The following PHF19 variants were observed in gnomAD, a reference collection of about 807,000 sequenced individuals.
PHF19 encodes the protein polycomb like 3.
A neutral mutation model predicts 79.8 loss-of-function variants in PHF19; 21 were observed. The ratio of observed to expected loss-of-function variants is 0.26; its 90% confidence interval spans 0.19 to 0.38. The LOEUF is 0.38. PHF19 is among the 10% of genes least tolerant of loss of function. PHF19 has a pLI of 1.00. For synonymous variants in PHF19, 273 were observed against 296.3 expected (o/e 0.92, Z 0.81); for missense variants, 445 against 744.2 (o/e 0.60, Z 4.68).
Position 120,861,929 on chromosome 9 carries a change from C to A in PHF19, c.1207G>T (p.Ala403Ser). The change falls in exon 12 of 15, where the codon GCT (alanine) becomes TCT (serine). Residue 403 changes from alanine (A) to serine (S), a missense_variant. Ala to Ser is a moderately conservative substitution (Grantham distance 99). This residue lies in a region of PHF19 where 125 missense variants were observed against 180.5 expected (regional missense o/e 0.69). Coordinates refer to ENST00000373896, the MANE Select transcript of PHF19 (RefSeq NM_015651.3). ...RKRSKFLLED[A>S]IPSSDFTSAW... ...AACAAGGAACTAACACTGGGAATAG[C>A]ATCTTCCAGCAAAAACTTTGATCTT... The A allele has an allele frequency of 6.2e-7, 1 of 1,607,802 alleles. No individual in the cohort carries two copies. Among genetic ancestry groups the A allele is most frequent in the Non-Finnish European group, 8.5e-7 (1 of 1,174,190 alleles).
At chr9:120,876,119 T>C (rs2046041268) in intron 1 of PHF19, 2 of 152,830 alleles carry the variant, frequency 1.3e-5, no homozygotes, top group Non-Finnish European at 2.9e-5. Flanking sequence ...AAGCTAAGTA[T>C]GTGCGGGGCC....
In PHF19 at chr9:120,866,047, C is replaced by T. The variant is rs774410769; in HGVS notation, c.760G>A (p.Glu254Lys). 26 of 1,613,768 alleles carry T rather than the reference C, an allele frequency of 1.6e-5. No homozygotes were observed. Among genetic ancestry groups the T allele is most frequent in the South Asian group, 2.2e-5 (2 of 91,076 alleles). The change falls in exon 8 of 15, where the codon GAG becomes AAG. Residue 254 changes from glutamate (E) to lysine (K), a missense_variant. By Grantham distance (56) the Glu-to-Lys change is moderately conservative (BLOSUM62 1). Coordinates refer to ENST00000373896, the MANE Select transcript of PHF19 (RefSeq NM_015651.3). The surrounding 1 kb of genome is among the most constrained non-coding windows in gnomAD (Gnocchi z 5.2). ...SVCNQGPEYI[E>K]RLPLRWVDVV... ...TCTCACCATCGCAGGGGCAGCCTCT[C>T]GATGTACTCTGGGCCCTGGTTACAC...
intron 9 of PHF19, among the ~76,000 whole-genome samples, chr9:120,864,791 C>T (rs1160890855): frequency 1.3e-5 from 2 of 151,754 alleles, no homozygotes; most frequent in African/African-American, 2.4e-5. Context: ...ATCATTTAAA[C>T]GATAAAACAG....
At chr9:120,878,816 A>G (rs2046133376), upstream of PHF19, among the ~76,000 whole-genome samples, 1 of 152,348 alleles carries the variant, frequency 6.6e-6, no homozygotes, top group African/African-American at 2.4e-5. Flanking sequence ...CCTGGAGAGC[A>G]CATTTTCAAG....
At chr9:120,858,326 T>C in intron 14 of PHF19, 40 bp from the exon 15 acceptor site, 2 of 1,437,686 alleles carry the variant, frequency 1.4e-6, no homozygotes, top group South Asian at 1.4e-5. Flanking sequence ...GAGAATGAGG[T>C]AGAACAATCA....
chr9:120,884,156 A>T (rs2131587197), intron 1 of PHF19, among the ~76,000 whole-genome samples: 1 of 152,340 alleles, frequency 6.6e-6, no homozygotes, highest in Non-Finnish European at 1.5e-5. Context: ...GTTTTTTATC[A>T]ATTAGGTCTA....
rs761926112 is a variant in PHF19, at chr9:120,870,465, G to A, written c.342C>T (p.Leu114=). The change falls in exon 4 of 15, where the codon CTC becomes CTT. Residue 114 remains leucine (L), a synonymous_variant. Transcript: ENST00000373896. The surrounding 1 kb of genome is among the most constrained non-coding windows in gnomAD (Gnocchi z 4.4). The part of the protein sequence containing the change: ...GKTSGPLNEI[L]ICGKCGLGYH... ...CACCCAGGCCACACTTCCCGCAGAT[G>A]AGGATCTCATTCAGCGGCCCTGATG... 21 of 1,611,480 alleles carry A rather than the reference G, an allele frequency of 1.3e-5. No homozygotes were observed. The highest frequency in any genetic ancestry group is 1.4e-5 in the Non-Finnish European group (17 of 1,177,648).
rs369059582 is a variant in PHF19 at position 120,862,038 on chromosome 9, G to A, written c.1131-33C>T. On this transcript the variant is annotated intron_variant, in intron 11 of 14. Transcript: ENST00000373896. This position sits in a 1 kb window ranked among gnomAD's most constrained non-coding sequence, Gnocchi z 4.6. ...GACAGAAGAGGGAGAAGGTGGCCCC[G>A]TCAGAGCCTGAGGGCCCTAGGGTGG... 1.8e-5 allele frequency: 28 copies of A among 1,537,612 alleles called. No individual in the cohort carries two copies. The highest frequency in any genetic ancestry group is 2.2e-5 in the South Asian group (2 of 89,546).
At chr9:120,889,363 T>A (rs931740457) in intron 1 of PHF19, among the ~76,000 whole-genome samples, 2 of 138,698 alleles carry the variant, frequency 1.4e-5, no homozygotes, top group African/African-American at 5.4e-5. Context: ...GAGGCGGAGG[T>A]TGCAGTGAGC....
In PHF19 at chr9:120,862,458, C is replaced by CT; in HGVS notation, c.1130+129dup. On this transcript the variant is annotated intron_variant, in intron 11 of 14. Transcript: ENST00000373896. The surrounding 1 kb of genome is among the most constrained non-coding windows in gnomAD (Gnocchi z 4.6). Reference sequence around the variant, plus strand: ...TGGGGATCTGGGATCTGGGATCCCGCTCAGCCACTATCTAGCCCTCTCAGG... The same window carrying CT: ...TGGGGATCTGGGATCTGGGATCCCGCTTCAGCCACTATCTAGCCCTCTCAGG... The CT allele has an allele frequency of 1.4e-6, 1 of 733,192 alleles. No homozygotes were observed. Among genetic ancestry groups the CT allele is most frequent in the Non-Finnish European group, 2.3e-6 (1 of 439,036 alleles). 45.4% of individuals were successfully genotyped at this position (733,192 alleles called of 1,614,324 possible). A position where few individuals can be genotyped will look rare whatever the true frequency, so the allele number is the denominator to read the frequency against.
chr9:120,881,229 C>T (rs529890794), upstream of PHF19, among the ~76,000 whole-genome samples: 1 of 150,022 alleles, frequency 6.7e-6, no homozygotes. Flanking sequence ...CTCACTGCAA[C>T]CTCCGCCTCC....
chr9:120,885,773 A>T (rs1295219084), intron 1 of PHF19, among the ~76,000 whole-genome samples: 1 of 152,040 alleles, frequency 6.6e-6, no homozygotes, highest in African/African-American at 2.4e-5. Flanking sequence ...TAATTGCCAA[A>T]ATTTATTTTA....
intron 1 of PHF19, among the ~76,000 whole-genome samples, chr9:120,883,020 TAG>T (rs1389128574): frequency 6.6e-6 from 1 of 152,082 alleles, no homozygotes; most frequent in Non-Finnish European, 1.5e-5. Flanking sequence ...CATGGAGGTG[TAG>T]AGAGTTTTCA....
upstream of PHF19, among the ~76,000 whole-genome samples, chr9:120,881,063 A>G (rs2046173637): frequency 6.6e-6 from 1 of 152,132 alleles, no homozygotes; most frequent in Admixed American, 6.6e-5. Context: ...CATGCATGGG[A>G]AATCAAAGAC....
chr9:120,900,931 A>C, the PHF19 span, among the ~76,000 whole-genome samples: 1 of 152,238 alleles, frequency 6.6e-6, no homozygotes, highest in African/African-American at 2.4e-5. Flanking sequence ...CATAAATAAT[A>C]GTTGCCCTTA....
In PHF19 at chr9:120,891,599, A is replaced by C. The variant is rs1323215308; in HGVS notation, c.42+3189T>G. On this transcript the variant is annotated intron_variant, in intron 1 of 14. Coordinates refer to the PHF19 transcript ENST00000616568. The surrounding 1 kb of genome is among the most constrained non-coding windows in gnomAD (Gnocchi z 4.3). Reference sequence around the variant, plus strand: ...CGACTCAAGACCCACCCAGCCACTTAGAGGAGCTGCACTCCAGGCACCTCG... The same window carrying C: ...CGACTCAAGACCCACCCAGCCACTTCGAGGAGCTGCACTCCAGGCACCTCG... 2.0e-5 allele frequency among the ~76,000 whole-genome samples: 3 copies of C among 152,244 alleles called. No individual in the cohort carries two copies. The highest frequency in any genetic ancestry group is 7.2e-5 in the African/African-American group (3 of 41,464).
rs2045875767 is a variant in PHF19 at position 120,870,875 on chromosome 9, T to G, written c.269-337A>C. On this transcript the variant is annotated intron_variant, in intron 3 of 14. Transcript: ENST00000373896. The surrounding 1 kb of genome is among the most constrained non-coding windows in gnomAD (Gnocchi z 4.4). ...ACTTGTTTTGTTAAATGGTTGTTATTTTCTTAAAACTTTATTATGGGATAA... is the reference window on the plus strand; with the variant it reads ...ACTTGTTTTGTTAAATGGTTGTTATGTTCTTAAAACTTTATTATGGGATAA... Among the ~76,000 whole-genome samples, 1 of 152,194 alleles carries G rather than the reference T, an allele frequency of 6.6e-6. No homozygotes were observed. Among genetic ancestry groups the G allele is most frequent in the Admixed American group, 6.5e-5 (1 of 15,274 alleles).
Position 120,874,647 on chromosome 9 carries a change from T to C in PHF19, c.95A>G (p.Asn32Ser), listed in dbSNP as rs1399665372. ...NKGALAKVKN[N>S]FKDLMSKLTE... ...CAGTTTGGACATCAAGTCTTTGAAG[T>C]TGTTCTTGACCTTCGCCAGGGCCCC... Residue 32 changes from asparagine to serine, a missense_variant, in exon 2 of 15, where the codon AAC becomes AGC. Transcript: ENST00000373896. This position sits in a 1 kb window ranked among gnomAD's most constrained non-coding sequence, Gnocchi z 4.5. 2 of 1,613,974 alleles carry C rather than the reference T, an allele frequency of 1.2e-6. No individual in the cohort carries two copies. Among genetic ancestry groups the C allele is most frequent in the East Asian group, 2.2e-5 (1 of 44,882 alleles).
chr9:120,869,066 G>T lies in PHF19; in HGVS notation c.614+116C>A. 1.1e-6 allele frequency: 1 copy of T among 913,964 alleles called. No homozygotes were observed. The highest frequency in any genetic ancestry group is 1.8e-5 in the South Asian group (1 of 56,604). The allele number at this position is 913,964 out of a possible 1,614,324, so 56.6% of individuals were successfully genotyped here. On this transcript the variant is annotated intron_variant, in intron 6 of 14. Coordinates refer to ENST00000373896, the MANE Select transcript of PHF19 (RefSeq NM_015651.3). This position sits in a 1 kb window ranked among gnomAD's most constrained non-coding sequence, Gnocchi z 5.8. ...CCCCACAGCGCAACACACTGGGCCCGCCCTCAAGGTCCCCGCCTTGGCTGA... is the reference window on the plus strand; with the variant it reads ...CCCCACAGCGCAACACACTGGGCCCTCCCTCAAGGTCCCCGCCTTGGCTGA...
Sources: allele counts gnomAD v4.1 joint callset (sites outside exome capture counted in the v4.1 genomes callset), GRCh38; gene constraint gnomAD v4.1.1; regional missense constraint gnomAD v4.1.1; non-coding constraint Gnocchi (gnomAD v3.1); transcripts MANE v1.5; gene names NCBI Gene and HGNC (gene_info 2026-07-23, HGNC 2026-07-21).